DNAAF5: variants seen among roughly 807,000 people sequenced by gnomAD.
The protein encoded by DNAAF5 is dynein axonemal assembly factor 5.
DNAAF5 carries 64 observed loss-of-function variants against 75.8 expected under a neutral mutation model. The ratio of observed to expected loss-of-function variants is 0.84; its 90% CI spans 0.69 to 1.04. The LOEUF is 1.04. DNAAF5 is among the 50% of genes least tolerant of loss of function. The pLI is 0.00. For synonymous variants in DNAAF5, 657 were observed against 557.2 expected (o/e 1.18, Z -2.52); for missense variants, 1,269 against 1,178.5 (o/e 1.08, Z -1.12).
chr7:769,964 T>C (rs888685313), intron 8 of DNAAF5, among the ~76,000 whole-genome samples: 1 of 151,980 alleles, frequency 6.6e-6, no homozygotes, highest in Non-Finnish European at 1.5e-5. Context: ...TTGTTTTTGT[T>C]TTTTTGAGAC....
At chr7:741,850 A>G (rs574876441) in intron 4 of DNAAF5, among the ~76,000 whole-genome samples, 3 of 152,288 alleles carry the variant, frequency 2.0e-5, no homozygotes, top group African/African-American at 7.2e-5. Flanking sequence ...GGTGTTGGAA[A>G]CAGTGGGATG....
intron 4 of DNAAF5, among the ~76,000 whole-genome samples, chr7:746,589 G>A (rs190424450): frequency 9.0e-4 from 120 of 133,654 alleles, no homozygotes; most frequent in African/African-American, 3.2e-3. Context: ...CCTTTTCCCC[G>A]CCCGTCGTGC....
intron 11 of DNAAF5, chr7:778,373 A>C (rs2128086018): frequency 6.6e-6 from 1 of 152,340 alleles, no homozygotes; most frequent in Non-Finnish European, 1.5e-5. Flanking sequence ...GTGTTGGATG[A>C]ATCATGGCCT....
Position 763,966 on chromosome 7 carries a change from C to T in DNAAF5, c.1775C>T (p.Ala592Val). Residue 592 changes from alanine (A) to valine (V), a missense_variant, in exon 8 of 13, where the codon GCA becomes GTA. Coordinates refer to ENST00000297440, the MANE Select transcript of DNAAF5 (RefSeq NM_017802.4). Reference protein sequence around the residue: ...PELLQFSVIVAQSGPALGEAL... With the variant: ...PELLQFSVIVVQSGPALGEAL... ...CTCCTGCAGTTCAGTGTCATCGTCGCACAGTCAGGTGAGCCGTCCCGACAG... is the reference window on the plus strand; with the variant it reads ...CTCCTGCAGTTCAGTGTCATCGTCGTACAGTCAGGTGAGCCGTCCCGACAG... 6.2e-7 allele frequency: 1 copy of T among 1,603,702 alleles called. No homozygotes were observed. The highest frequency in any genetic ancestry group is 1.1e-5 in the South Asian group (1 of 91,084).
chr7:755,031 A>G (rs1782440383), intron 5 of DNAAF5, among the ~76,000 whole-genome samples: 1 of 152,136 alleles, frequency 6.6e-6, no homozygotes, highest in Non-Finnish European at 1.5e-5. Flanking sequence ...TGAACCCTTC[A>G]TGCTCATTTT....
intron 12 of DNAAF5, among the ~76,000 whole-genome samples, chr7:780,600 G>A (rs746359830): frequency 5.3e-5 from 8 of 152,150 alleles, no homozygotes; most frequent in Admixed American, 2.0e-4. Flanking sequence ...ATCTGGCCTC[G>A]CCTGTGGCTT....
At chr7:755,570 C>T (rs1274942616) in intron 5 of DNAAF5, among the ~76,000 whole-genome samples, 2 of 152,150 alleles carry the variant, frequency 1.3e-5, no homozygotes, top group Non-Finnish European at 2.9e-5. Flanking sequence ...TCTAGTGGTC[C>T]AGGTCACTGT....
chr7:759,956 A>G (rs1782593279), intron 6 of DNAAF5, among the ~76,000 whole-genome samples: 1 of 152,234 alleles, frequency 6.6e-6, no homozygotes, highest in Non-Finnish European at 1.5e-5. Context: ...CAGGCCTTAG[A>G]GAAATTGGGC....
At chr7:772,982 T>TAA (rs1436226811) in intron 9 of DNAAF5, 1 of 147,720 alleles carries the variant, frequency 6.8e-6, no homozygotes, top group African/African-American at 2.5e-5. Context: ...AAAAAAAATT[T>TAA]AAAAAAACCT....
At chr7:767,310 T>A (rs1778340687) in intron 8 of DNAAF5, among the ~76,000 whole-genome samples, 1 of 151,726 alleles carries the variant, frequency 6.6e-6, no homozygotes, top group Admixed American at 6.6e-5. Context: ...AGCTGCTGCC[T>A]AGGGTGGCTG....
At chr7:759,341 GCCCAGTAGGTC>G (rs1782576203) in intron 6 of DNAAF5, among the ~76,000 whole-genome samples, 4 of 152,188 alleles carry the variant, frequency 2.6e-5, no homozygotes, top group African/African-American at 9.7e-5. Flanking sequence ...GGTGTCTCGG[GCCCAGTAGGTC>G]CCCTAGAGCT....
chr7:742,893 A>C (rs986113759), intron 4 of DNAAF5, among the ~76,000 whole-genome samples: 2 of 151,706 alleles, frequency 1.3e-5, no homozygotes, highest in African/African-American at 2.4e-5. Flanking sequence ...CAAATCAATC[A>C]TGTCCAGCTC....
intron 3 of DNAAF5, 77 bp downstream of exon 3, chr7:741,020 GTC>G (rs374249246): frequency 2.9e-5 from 45 of 1,540,060 alleles, no homozygotes; most frequent in African/African-American, 8.1e-5. Flanking sequence ...TTTGCTCCCA[GTC>G]TCTCACAGAA....
intron 12 of DNAAF5, 28 bp downstream of exon 12, chr7:780,172 T>G (rs767515261): frequency 6.2e-7 from 1 of 1,601,644 alleles, no homozygotes; most frequent in Non-Finnish European, 8.5e-7. Context: ...TGGCCTTCGT[T>G]CCGATGCCTG....
intron 6 of DNAAF5, among the ~76,000 whole-genome samples, chr7:758,664 TAA>T (rs1488852196): frequency 1.3e-5 from 2 of 152,110 alleles, no homozygotes; most frequent in African/African-American, 4.8e-5. Context: ...CACACCTGGG[TAA>T]TTTTTTTTTA....
intron 8 of DNAAF5, among the ~76,000 whole-genome samples, chr7:764,352 A>G (rs1782756106): frequency 6.6e-6 from 1 of 152,196 alleles, no homozygotes; most frequent in Non-Finnish European, 1.5e-5. Flanking sequence ...AGCCCCTCTG[A>G]GACCAGCATT....
intron 4 of DNAAF5, among the ~76,000 whole-genome samples, chr7:752,128 C>T (rs1419483761): frequency 1.3e-5 from 2 of 152,210 alleles, no homozygotes; most frequent in African/African-American, 4.8e-5. Flanking sequence ...GCACGCGGAC[C>T]ACTGACTTGA....
chr7:757,101 G>T, intron 6 of DNAAF5, 107 bp downstream of exon 6: 3 of 1,101,500 alleles, frequency 2.7e-6, no homozygotes, highest in South Asian at 3.1e-5. Context: ...GCCAGGCTGG[G>T]CTGTCGGAAG....
intron 1 of DNAAF5, 123 bp from the exon 2 acceptor site, chr7:729,540 C>G: frequency 1.2e-6 from 1 of 852,728 alleles, no homozygotes; most frequent in Non-Finnish European, 1.8e-6. Context: ...CAGCAAGGAC[C>G]TGGCGTAGGA....
Sources: allele counts gnomAD v4.1 joint callset (sites outside exome capture counted in the v4.1 genomes callset), GRCh38; gene constraint gnomAD v4.1.1; transcripts MANE v1.5; gene names NCBI Gene and HGNC (gene_info 2026-07-23, HGNC 2026-07-21).